ZNF92: variants seen among roughly 807,000 people sequenced by gnomAD.
The protein encoded by ZNF92 is zinc finger protein 92.
In ZNF92, 11 loss-of-function variants were observed where a neutral mutation model predicts 12.4. The observed-to-expected ratio is 0.89, with a 90% CI of 0.56 to 1.47. The LOEUF (loss-of-function observed/expected upper bound fraction) is 1.47, where lower values mean the gene tolerates loss of function less well. ZNF92 is among the 40% of genes most tolerant of loss of function. ZNF92 has a pLI of 0.00. For missense variants in ZNF92, 622 were observed against 681.0 expected (o/e 0.91, Z 0.96); for synonymous variants, 206 against 228.6 (o/e 0.90, Z 0.89).
In ZNF92 at chr7:65,398,963, AC is replaced by A; in HGVS notation, c.852del (p.Tyr285ThrfsTer49). On this transcript the variant is annotated frameshift_variant, in exon 4 of 4. Transcript: ENST00000328747. LOFTEE classifies it low-confidence loss of function (END_TRUNC). ...KHKRIHTEEKPYKCEECGKAF... is the reference protein window; with the variant it reads ...KHKRIHTEEKXYKCEECGKAF... ...ATAAAAGAATTCATACAGAAGAGAA[AC>A]CCTACAAATGTGAAGAATGTGGCAA... The A allele has an allele frequency of 6.2e-7, 1 of 1,613,382 alleles. No individual in the cohort carries two copies. The highest frequency in any genetic ancestry group is 8.5e-7 in the Non-Finnish European group (1 of 1,179,774).
chr7:65,374,483 T>C (rs1400476091), intron 1 of ZNF92, among the ~76,000 whole-genome samples: 2 of 152,076 alleles, frequency 1.3e-5, no homozygotes, highest in African/African-American at 4.8e-5. Context: ...AGCTATGATT[T>C]GTAGTTTGTG....
Position 65,388,003 on chromosome 7 carries a change from G to A in ZNF92, c.105G>A (p.Glu35=). The change falls in exon 2 of 4, where the codon GAG becomes GAA. Residue 35 remains glutamate, a synonymous_variant. Transcript: ENST00000328747. Reference sequence around the variant, plus strand: ...ATTTATATAGAGATGTGATGTTAGAGAACTACAGAAACCTGGTCTTCCTTG... The same window carrying A: ...ATTTATATAGAGATGTGATGTTAGAAAACTACAGAAACCTGGTCTTCCTTG... The part of the protein sequence containing the change: ...QRNLYRDVML[E]NYRNLVFLGI... The A allele has an allele frequency of 6.2e-7, 1 of 1,607,870 alleles. No homozygotes were observed. Among genetic ancestry groups the A allele is most frequent in the Non-Finnish European group, 8.5e-7 (1 of 1,177,034 alleles).
chr7:65,383,880 C>T (rs1793492730), intron 1 of ZNF92, among the ~76,000 whole-genome samples: 1 of 152,088 alleles, frequency 6.6e-6, no homozygotes, highest in African/African-American at 2.4e-5. Flanking sequence ...TCACAATCAC[C>T]TAGGCATCTT....
intron 1 of ZNF92, among the ~76,000 whole-genome samples, chr7:65,374,757 C>A (rs1209815541): frequency 6.6e-6 from 1 of 151,716 alleles, no homozygotes; most frequent in African/African-American, 2.4e-5. Context: ...GGGACTAGAG[C>A]CACCTCAATC....
At chr7:65,385,296 C>G (rs7787403) in intron 1 of ZNF92, among the ~76,000 whole-genome samples, 42,242 of 152,030 alleles carry the variant, frequency 0.28, 7,706 homozygotes, top group African/African-American at 0.49. Flanking sequence ...CGTTTATCAG[C>G]CCAGGCTTCT....
At chr7:65,376,427 G>C (rs1007556483) in intron 1 of ZNF92, among the ~76,000 whole-genome samples, 1 of 151,866 alleles carries the variant, frequency 6.6e-6, no homozygotes, top group Non-Finnish European at 1.5e-5. Context: ...TTCCCAGAAT[G>C]AGTTTAGGAA....
chr7:65,386,507 T>C (rs1793568494), intron 1 of ZNF92, among the ~76,000 whole-genome samples: 1 of 152,066 alleles, frequency 6.6e-6, no homozygotes, highest in Admixed American at 6.6e-5. Context: ...ACATGTAATA[T>C]TGAGGTTTCA....
In ZNF92 at chr7:65,399,842, C is replaced by T; in HGVS notation, c.1728C>T (p.Ser576=). 2 of 1,593,326 alleles carry T rather than the reference C, an allele frequency of 1.3e-6. No homozygotes were observed. Among genetic ancestry groups the T allele is most frequent in the Non-Finnish European group, 1.7e-6 (2 of 1,171,532 alleles). ...AATGTGGCAGAGCCTTTAACAAATC[C>T]TCAAATTATACTAAAGAGAAACTAC... ...KHECGRAFNK[S]SNYTKEKLQT The change falls in exon 4 of 4, where the codon TCC becomes TCT. Residue 576 remains serine (S), a synonymous_variant. Transcript: ENST00000328747.
chr7:65,399,761 C>T lies in ZNF92; in HGVS notation c.1647C>T (p.Phe549=). The T allele has an allele frequency of 6.2e-7, 1 of 1,613,550 alleles. No homozygotes were observed. Among genetic ancestry groups the T allele is most frequent in the Non-Finnish European group, 8.5e-7 (1 of 1,179,702 alleles). Reference sequence around the variant, plus strand: ...AATGTGACAAAGCCTTTAACAAGTTCTCAACCCTTATTACACATCAGATAA... The same window carrying T: ...AATGTGACAAAGCCTTTAACAAGTTTTCAACCCTTATTACACATCAGATAA... ...YEECDKAFNK[F]STLITHQIIY... is the part of the protein sequence containing the mutation. The change falls in exon 4 of 4, where the codon TTC becomes TTT. Residue 549 remains phenylalanine, a synonymous_variant. Transcript: ENST00000328747.
At chr7:65,377,750 A>G (rs904110635) in intron 1 of ZNF92, among the ~76,000 whole-genome samples, 6 of 152,040 alleles carry the variant, frequency 3.9e-5, no homozygotes, top group African/African-American at 1.4e-4. Flanking sequence ...TATTTTTAGT[A>G]GAGACGGGGT....
intron 1 of ZNF92, among the ~76,000 whole-genome samples, chr7:65,375,421 G>T (rs972148017): frequency 6.6e-6 from 1 of 152,048 alleles, no homozygotes; most frequent in East Asian, 1.9e-4. Context: ...GGGCTGAGAA[G>T]CATCTCCTGG....
chr7:65,388,095 T>C, intron 2 of ZNF92, 67 bp downstream of exon 2: 1 of 1,506,066 alleles, frequency 6.6e-7, no homozygotes, highest in Non-Finnish European at 8.9e-7. Flanking sequence ...TTGTAAAATG[T>C]TTTTTGGTAA....
chr7:65,399,491 C>T lies in ZNF92; in HGVS notation c.1377C>T (p.Gly459=). ...EDKPYKCEEC[G]KAFSVFSTLT... ...AACCCTACAAATGTGAAGAATGTGG[C>T]AAAGCCTTTAGTGTATTCTCAACCC... The change falls in exon 4 of 4, where the codon GGC becomes GGT. Residue 459 remains glycine (G), a synonymous_variant. Transcript: ENST00000328747. 6.2e-7 allele frequency: 1 copy of T among 1,613,348 alleles called. No homozygotes were observed. The highest frequency in any genetic ancestry group is 8.5e-7 in the Non-Finnish European group (1 of 1,179,710).
In ZNF92 at chr7:65,373,905, C is replaced by A; in HGVS notation, c.-93C>A. 1 of 1,561,888 alleles carries A rather than the reference C, an allele frequency of 6.4e-7. No individual in the cohort carries two copies. The highest frequency in any genetic ancestry group is 1.7e-5 in the Admixed American group (1 of 59,888). On this transcript the variant is annotated 5_prime_UTR_variant, in exon 1 of 4. It adds an upstream start codon to the 5' untranslated region. Transcript: ENST00000328747. ...CGTCTAGTCTTCACTGCTCTGCGTC[C>A]TGTGCTGATAAAGGCTCGCCGCTGT...
intron 1 of ZNF92, among the ~76,000 whole-genome samples, chr7:65,387,574 C>T (rs371331409): frequency 3.3e-5 from 5 of 152,112 alleles, no homozygotes; most frequent in African/African-American, 1.2e-4. Flanking sequence ...GAGGTCACTT[C>T]TAACTCCATG....
rs1793933449 is a variant in ZNF92 at position 65,399,090 on chromosome 7, T to C, written c.976T>C (p.Ser326Pro). ...ATGTGGCAAAGCCTTTAGAGTATTC[T>C]CAATTCTTAAAAAACATAAGATAAT... ...EECGKAFRVF[S>P]ILKKHKIIHT... The change falls in exon 4 of 4, where the codon TCA becomes CCA. Residue 326 changes from serine to proline, a missense_variant. Transcript: ENST00000328747. 5 of 1,612,638 alleles carry C rather than the reference T, an allele frequency of 3.1e-6. No homozygotes were observed. The African/African-American group carries it at 5.3e-5, about 17-fold the overall frequency.
chr7:65,376,244 TC>T lies in ZNF92; in HGVS notation c.3+2246del, dbSNP rs551695252. Among the ~76,000 whole-genome samples, 187 of 152,036 alleles carry T rather than the reference TC, an allele frequency of 1.2e-3. 2 individuals carry two copies. Among genetic ancestry groups the T allele is most frequent in the African/African-American group, 4.4e-3 (181 of 41,476 alleles). ...CTGTTTTCTGATCAGCACTGCTACT[TC>T]CTGGGTTTGTCACCTTGAAAATATT... is the stretch of plus-strand genomic sequence containing the variant. On this transcript the variant is annotated intron_variant, in intron 1 of 3. Transcript: ENST00000328747.
Position 65,380,857 on chromosome 7 carries a change from C to G in ZNF92, c.3+6857C>G, listed in dbSNP as rs1033238644. ...TTACCCTGCAACTTTGCCAGCACATCTATTATTTTTTTGACTTTTTTGGTA... is the reference window on the plus strand; with the variant it reads ...TTACCCTGCAACTTTGCCAGCACATGTATTATTTTTTTGACTTTTTTGGTA... On this transcript the variant is annotated intron_variant, in intron 1 of 3. Coordinates refer to ENST00000328747, the MANE Select transcript of ZNF92 (RefSeq NM_152626.4). Among the ~76,000 whole-genome samples the G allele has an allele frequency of 1.3e-5, 2 of 151,974 alleles. 1 individual carries two copies. The highest frequency in any genetic ancestry group is 4.8e-5 in the African/African-American group (2 of 41,364).
At chr7:65,394,648 GT>G (rs1202070076) in intron 3 of ZNF92, among the ~76,000 whole-genome samples, 2 of 151,972 alleles carry the variant, frequency 1.3e-5, no homozygotes, top group African/African-American at 4.8e-5. Context: ...ACAAAATGAA[GT>G]TTTTTTGTTT....
Sources: allele counts gnomAD v4.1 joint callset (sites outside exome capture counted in the v4.1 genomes callset), GRCh38; gene constraint gnomAD v4.1.1; transcripts MANE v1.5; gene names NCBI Gene and HGNC (gene_info 2026-07-23, HGNC 2026-07-21).